The following SLC39A9 variants were observed in gnomAD, a reference collection of about 807,000 sequenced individuals.
SLC39A9 encodes zinc transporter ZIP9.
SLC39A9 carries 14 observed loss-of-function variants against 28.4 expected under a neutral mutation model. The observed-to-expected ratio is 0.49, with a 90% confidence interval of 0.33 to 0.77. SLC39A9 has a LOEUF of 0.77. Among genes scored for constraint, SLC39A9 ranks in the 30% least tolerant of loss-of-function variants. The probability of loss-of-function intolerance (pLI) is 0.02; values close to 1 mark genes in which losing one functional copy is unlikely to be tolerated. For missense variants in SLC39A9, 283 were observed against 381.1 expected (o/e 0.74, Z 2.14); for synonymous variants, 119 against 149.6 (o/e 0.80, Z 1.49).
intron 1 of SLC39A9, among the ~76,000 whole-genome samples, chr14:69,420,753 A>G (rs1489591691): frequency 2.0e-5 from 3 of 152,142 alleles, no homozygotes; most frequent in African/African-American, 4.8e-5. Flanking sequence ...TTGATCTTCA[A>G]TCACTGATAC....
chr14:69,454,892 C>T lies in SLC39A9; in HGVS notation c.553C>T (p.His185Tyr), dbSNP rs1477349162. 1 of 1,613,084 alleles carries T rather than the reference C, an allele frequency of 6.2e-7. No individual in the cohort carries two copies. The highest frequency in any genetic ancestry group is 8.5e-7 in the Non-Finnish European group (1 of 1,179,480). The change falls in exon 5 of 7, where the codon CAT becomes TAT. Residue 185 changes from histidine to tyrosine, a missense_variant. His to Tyr is a moderately conservative substitution (Grantham distance 83). Transcript: ENST00000336643. ...AATTGTGTTTGTGGCAATCATGCTA[C>T]ATAAGGTAAGCAACATTTTGGTGTA... ...QLIVFVAIML[H>Y]KAPAAFGLVS...
chr14:69,410,765 A>C (rs888290354), intron 1 of SLC39A9, among the ~76,000 whole-genome samples: 2 of 151,876 alleles, frequency 1.3e-5, no homozygotes, highest in Admixed American at 6.6e-5. Flanking sequence ...GTGATATTTT[A>C]TCTCTTCAGT....
intron 1 of SLC39A9, among the ~76,000 whole-genome samples, chr14:69,416,490 A>G (rs1883587268): frequency 6.6e-6 from 1 of 152,230 alleles, no homozygotes; most frequent in African/African-American, 2.4e-5. Flanking sequence ...TATACCCAGT[A>G]ATGGGATGGC....
At chr14:69,401,986 C>T (rs1882659252) in intron 1 of SLC39A9, among the ~76,000 whole-genome samples, 1 of 152,076 alleles carries the variant, frequency 6.6e-6, no homozygotes, top group Admixed American at 6.6e-5. Flanking sequence ...ATTTCATTCA[C>T]GGGGGACTGG....
intron 3 of SLC39A9, among the ~76,000 whole-genome samples, chr14:69,449,591 C>T (rs1205044040): frequency 6.6e-6 from 1 of 152,090 alleles, no homozygotes; most frequent in Non-Finnish European, 1.5e-5. Flanking sequence ...TGCTACTGTA[C>T]TTCAGCCTGA....
chr14:69,428,104 C>A (rs949459587), intron 2 of SLC39A9, among the ~76,000 whole-genome samples: 1 of 152,020 alleles, frequency 6.6e-6, no homozygotes, highest in African/African-American at 2.4e-5. Context: ...ATGGTGAAAC[C>A]CCATCTCTAC....
chr14:69,456,390 G>A (rs1885862111), intron 6 of SLC39A9, among the ~76,000 whole-genome samples: 1 of 152,170 alleles, frequency 6.6e-6, no homozygotes, highest in Non-Finnish European at 1.5e-5. Context: ...TAAATGGAAA[G>A]GGTTTTTATA....
At chr14:69,441,986 G>T in intron 2 of SLC39A9, 83 bp from the exon 3 acceptor site, 1 of 1,517,946 alleles carries the variant, frequency 6.6e-7, no homozygotes, top group Admixed American at 2.1e-5. Context: ...AGTAGAGCTT[G>T]AAATACAAAG....
At chr14:69,412,914 G>C (rs1321887637) in intron 1 of SLC39A9, among the ~76,000 whole-genome samples, 1 of 152,212 alleles carries the variant, frequency 6.6e-6, no homozygotes, top group Non-Finnish European at 1.5e-5. Context: ...TGCAAAGCTA[G>C]ATGATTCATT....
At chr14:69,431,678 G>A (rs767259829) in intron 2 of SLC39A9, among the ~76,000 whole-genome samples, 2 of 151,804 alleles carry the variant, frequency 1.3e-5, no homozygotes, top group Non-Finnish European at 2.9e-5. Context: ...CAGGCACTGA[G>A]CATACCAATA....
At chr14:69,457,843 T>C (rs1044213223) in intron 6 of SLC39A9, among the ~76,000 whole-genome samples, 1 of 152,152 alleles carries the variant, frequency 6.6e-6, no homozygotes, top group Non-Finnish European at 1.5e-5. Context: ...GTTATGATTG[T>C]GCCTGTGAAT....
chr14:69,439,217 G>C (rs1263722782), intron 2 of SLC39A9, among the ~76,000 whole-genome samples: 2 of 152,140 alleles, frequency 1.3e-5, no homozygotes, highest in Non-Finnish European at 2.9e-5. Context: ...AGCATTAGGA[G>C]ATATACCTAA....
At chr14:69,437,420 T>A (rs1257557763) in intron 2 of SLC39A9, among the ~76,000 whole-genome samples, 3 of 152,242 alleles carry the variant, frequency 2.0e-5, no homozygotes, top group African/African-American at 7.2e-5. Flanking sequence ...TGTTGTTTAC[T>A]TTTTGTAGTC....
intron 5 of SLC39A9, 35 bp downstream of exon 5, chr14:69,454,932 G>C: frequency 6.6e-7 from 1 of 1,510,782 alleles, no homozygotes; most frequent in Non-Finnish European, 9.1e-7. Flanking sequence ...TTGGTATTGA[G>C]TGTATTCATA....
At chr14:69,439,610 A>G (rs956765603) in intron 2 of SLC39A9, among the ~76,000 whole-genome samples, 3 of 152,090 alleles carry the variant, frequency 2.0e-5, no homozygotes, top group Non-Finnish European at 2.9e-5. Flanking sequence ...CTCCACATCT[A>G]GTGTTGAAAC....
intron 1 of SLC39A9, among the ~76,000 whole-genome samples, chr14:69,421,304 G>T (rs1016114781): frequency 2.0e-5 from 3 of 152,224 alleles, no homozygotes; most frequent in Non-Finnish European, 2.9e-5. Context: ...TCCAGATGCT[G>T]TTTGCCTTGG....
intron 3 of SLC39A9, among the ~76,000 whole-genome samples, chr14:69,452,320 TG>T (rs1885646622): frequency 6.6e-6 from 1 of 151,588 alleles, no homozygotes; most frequent in South Asian, 2.1e-4. Context: ...ATCATAAGGG[TG>T]GTGGGTTTTT....
intron 2 of SLC39A9, among the ~76,000 whole-genome samples, chr14:69,440,849 T>C (rs956244590): frequency 1.3e-5 from 2 of 152,154 alleles, no homozygotes; most frequent in East Asian, 1.9e-4. Context: ...AGTTTTTGTA[T>C]TTTTAGTAGA....
At chr14:69,398,476 G>A (rs570687766), upstream of SLC39A9, 1,134 of 597,908 alleles carry the variant, frequency 1.9e-3, 2 homozygotes, top group Middle Eastern at 4.4e-3. Context: ...CAAGCTTTAG[G>A]AAGAATTATT....
Sources: gnomAD v4.1 joint callset for allele counts (sites outside exome capture counted in the v4.1 genomes callset) on GRCh38, gnomAD v4.1.1 for gene constraint, MANE v1.5 for transcripts, NCBI Gene and HGNC (gene_info 2026-07-23, HGNC 2026-07-21) for gene names.